The following STAC variants were observed in gnomAD, a reference collection of about 807,000 sequenced individuals.
The protein encoded by STAC is SH3 and cysteine rich domain.
STAC carries 43 observed loss-of-function variants against 48.8 expected under a neutral mutation model. The ratio of observed to expected loss-of-function variants is 0.88; its 90% CI spans 0.69 to 1.14. STAC has a LOEUF of 1.14. Among genes scored for constraint, STAC ranks in the 50% most tolerant of loss-of-function variants. The probability of loss-of-function intolerance (pLI) is 0.00; values close to 1 mark genes in which losing one functional copy is unlikely to be tolerated. For synonymous variants in STAC, 193 were observed against 179.5 expected (o/e 1.07, Z -0.60); for missense variants, 497 against 504.0 (o/e 0.99, Z 0.13).
chr3:36,485,645 C>T (rs977031954), intron 4 of STAC: 1 of 152,634 alleles, frequency 6.6e-6, no homozygotes, highest in Non-Finnish European at 1.5e-5. Flanking sequence ...CTGAAAATCT[C>T]GACATCTATT....
intron 2 of STAC, among the ~76,000 whole-genome samples, chr3:36,457,704 G>A (rs550593943): frequency 1.3e-5 from 2 of 152,340 alleles, no homozygotes; most frequent in Admixed American, 6.5e-5. Flanking sequence ...GGGATGGCAA[G>A]TCCAGATGTT....
chr3:36,429,534 T>C (rs1700641762), intron 1 of STAC, among the ~76,000 whole-genome samples: 1 of 152,176 alleles, frequency 6.6e-6, no homozygotes, highest in Non-Finnish European at 1.5e-5. Flanking sequence ...AGGGCTGACA[T>C]ATGTAGCATG....
At chr3:36,487,966 A>C (rs542800112) in intron 5 of STAC, among the ~76,000 whole-genome samples, 2 of 152,354 alleles carry the variant, frequency 1.3e-5, no homozygotes, top group Admixed American at 1.3e-4. Flanking sequence ...CAAAGCATAC[A>C]TGGGTAGGAT....
intron 2 of STAC, among the ~76,000 whole-genome samples, chr3:36,474,361 T>C (rs73827513): frequency 0.031 from 4,762 of 152,318 alleles, 225 homozygotes; most frequent in African/African-American, 0.11. Context: ...CTCTCTCAAC[T>C]TCATCCTCAT....
At chr3:36,541,517 C>A (rs914827573) in intron 10 of STAC, among the ~76,000 whole-genome samples, 1 of 152,174 alleles carries the variant, frequency 6.6e-6, no homozygotes, top group East Asian at 1.9e-4. Flanking sequence ...AGCTCAGTTT[C>A]CACAAAATTC....
intron 2 of STAC, among the ~76,000 whole-genome samples, chr3:36,454,368 C>T (rs1221066164): frequency 6.6e-6 from 1 of 152,052 alleles, no homozygotes; most frequent in African/African-American, 2.4e-5. Context: ...CGAACGTCTG[C>T]AGCTTCACTC....
chr3:36,410,604 T>C (rs1700174256), intron 1 of STAC, among the ~76,000 whole-genome samples: 1 of 152,212 alleles, frequency 6.6e-6, no homozygotes, highest in Non-Finnish European at 1.5e-5. Flanking sequence ...ATATTTTCTG[T>C]TTGTTTTGGA....
At chr3:36,478,274 A>G (rs957088663) in intron 2 of STAC, among the ~76,000 whole-genome samples, 3 of 152,240 alleles carry the variant, frequency 2.0e-5, no homozygotes, top group Admixed American at 1.3e-4. Flanking sequence ...ATTTTGTGAT[A>G]CATGGCCAAT....
At chr3:36,401,853 C>G (rs1330924258) in intron 1 of STAC, among the ~76,000 whole-genome samples, 2 of 152,140 alleles carry the variant, frequency 1.3e-5, no homozygotes, top group East Asian at 1.9e-4. Context: ...AGGTCTGCAG[C>G]ATGATCATCA....
chr3:36,432,760 G>T (rs1395931394), intron 1 of STAC, among the ~76,000 whole-genome samples: 1 of 151,706 alleles, frequency 6.6e-6, no homozygotes, highest in Non-Finnish European at 1.5e-5. Context: ...ATCTTCTATG[G>T]ACTTCAGGCA....
intron 10 of STAC, among the ~76,000 whole-genome samples, chr3:36,542,811 G>A (rs1699359838): frequency 6.6e-6 from 1 of 152,102 alleles, no homozygotes; most frequent in Non-Finnish European, 1.5e-5. Context: ...ATGTCAGCTG[G>A]GACAGCTGTA....
At chr3:36,425,291 T>A (rs1700538171) in intron 1 of STAC, among the ~76,000 whole-genome samples, 1 of 152,234 alleles carries the variant, frequency 6.6e-6, no homozygotes, top group Non-Finnish European at 1.5e-5. Context: ...GCTTTTGTCC[T>A]AGTCTTATGA....
chr3:36,457,349 C>A (rs1246555516), intron 2 of STAC, among the ~76,000 whole-genome samples: 2 of 152,122 alleles, frequency 1.3e-5, no homozygotes, highest in East Asian at 3.8e-4. Flanking sequence ...AATAACAATA[C>A]CTACATCATA....
chr3:36,468,718 C>A (rs1375452981), intron 2 of STAC, among the ~76,000 whole-genome samples: 1 of 145,436 alleles, frequency 6.9e-6, no homozygotes, highest in African/African-American at 2.5e-5. Context: ...ATATAAAATA[C>A]ATATATATGT....
At chr3:36,384,448 T>C (rs1304974134) in intron 1 of STAC, among the ~76,000 whole-genome samples, 3 of 152,134 alleles carry the variant, frequency 2.0e-5, no homozygotes, top group Non-Finnish European at 4.4e-5. Context: ...CCTAAGAATA[T>C]GTAATACACC....
At chr3:36,438,958 T>C (rs1333757997) in intron 1 of STAC, among the ~76,000 whole-genome samples, 2 of 152,114 alleles carry the variant, frequency 1.3e-5, no homozygotes, top group East Asian at 1.9e-4. Context: ...TTGAAATATA[T>C]AAAATGAAAG....
intron 2 of STAC, among the ~76,000 whole-genome samples, chr3:36,481,884 C>T (rs1387169341): frequency 6.6e-6 from 1 of 152,178 alleles, no homozygotes; most frequent in African/African-American, 2.4e-5. Context: ...AAAATAGTCT[C>T]CTTGAAACCC....
chr3:36,395,209 A>T (rs1287636708), intron 1 of STAC, among the ~76,000 whole-genome samples: 1 of 152,194 alleles, frequency 6.6e-6, no homozygotes, highest in African/African-American at 2.4e-5. Flanking sequence ...GAAACAGACA[A>T]GAAAGTTGAA....
At chr3:36,429,661 G>C (rs944371075) in intron 1 of STAC, among the ~76,000 whole-genome samples, 1 of 152,170 alleles carries the variant, frequency 6.6e-6, no homozygotes, top group African/African-American at 2.4e-5. Flanking sequence ...TCAGCCTTGA[G>C]TATGTGCCCC....
Sources: allele counts gnomAD v4.1 joint callset (sites outside exome capture counted in the v4.1 genomes callset), GRCh38; gene constraint gnomAD v4.1.1; transcripts MANE v1.5; gene names NCBI Gene and HGNC (gene_info 2026-07-23, HGNC 2026-07-21).